SNAPC3: variants seen among roughly 807,000 people sequenced by gnomAD.
The protein encoded by SNAPC3 is snRNA-activating protein complex subunit 3.
A neutral mutation model predicts 47.7 loss-of-function variants in SNAPC3; 56 were observed. The ratio of observed to expected loss-of-function variants is 1.18; its 90% CI spans 0.95 to 1.47. The LOEUF (loss-of-function observed/expected upper bound fraction) is 1.47. Among genes scored for constraint, SNAPC3 ranks in the 40% most tolerant of loss-of-function variants. The probability of loss-of-function intolerance (pLI) is 0.00; values close to 1 mark genes in which losing one functional copy is unlikely to be tolerated. For synonymous variants in SNAPC3, 235 were observed against 189.9 expected, an observed-to-expected ratio of 1.24 and a Z score of -1.95; for missense variants, 665 against 511.3, an observed-to-expected ratio of 1.30 and a Z score of -2.90.
intron 3 of SNAPC3, among the ~76,000 whole-genome samples, chr9:15,435,727 C>CT (rs1375811675): frequency 7.5e-6 from 1 of 132,776 alleles, no homozygotes; most frequent in Non-Finnish European, 1.6e-5. Flanking sequence ...GAAACTCTGT[C>CT]TAAAAAAAAA....
At chr9:15,429,405 C>T (rs1357984005) in intron 2 of SNAPC3, among the ~76,000 whole-genome samples, 3 of 152,024 alleles carry the variant, frequency 2.0e-5, no homozygotes, top group Admixed American at 2.0e-4. Context: ...AGGACTAATA[C>T]AGAGAGGATG....
Position 15,423,314 on chromosome 9 carries a change from T to C in SNAPC3, c.314+121T>C, listed in dbSNP as rs78974550. 1.3e-3 allele frequency: 1,314 copies of C among 1,042,384 alleles called. 19 individuals carry two copies. The African/African-American group carries it at 0.021, about 16-fold the overall frequency. 64.6% of individuals were successfully genotyped at this position (1,042,384 alleles called of 1,614,324 possible). Reference sequence around the variant, plus strand: ...GTGGTTTAGACCTGGGCTAGGAGTATTACCCTTTAAAGCTTTCAACCCGCT... The same window carrying C: ...GTGGTTTAGACCTGGGCTAGGAGTACTACCCTTTAAAGCTTTCAACCCGCT... On this transcript the variant is annotated intron_variant, in intron 1 of 8. Transcript: ENST00000380821.
intron 6 of SNAPC3, among the ~76,000 whole-genome samples, chr9:15,452,682 C>A (rs1422379212): frequency 1.3e-5 from 2 of 152,302 alleles, no homozygotes; most frequent in East Asian, 3.9e-4. Flanking sequence ...TGGGTTATAA[C>A]TATCACTATT....
chr9:15,462,961 A>ACC (rs1318081494), downstream of SNAPC3: 3 of 152,306 alleles, frequency 2.0e-5, no homozygotes, highest in Non-Finnish European at 4.4e-5. Context: ...TTAGATGCAG[A>ACC]CCTCATCTTG....
At chr9:15,464,527 T>G (rs909807670), downstream of SNAPC3, 2 of 200,758 alleles carry the variant, frequency 1.0e-5, no homozygotes, top group African/African-American at 4.6e-5. Flanking sequence ...GAACAACTAG[T>G]GTTTGTATTT....
chr9:15,447,636 T>C (rs1416108366), intron 5 of SNAPC3, among the ~76,000 whole-genome samples: 1 of 152,202 alleles, frequency 6.6e-6, no homozygotes, highest in Non-Finnish European at 1.5e-5. Context: ...TTGGTCACTT[T>C]TCCATTTTTA....
Position 15,422,942 on chromosome 9 carries a change from C to T in SNAPC3, c.63C>T (p.Val21=), listed in dbSNP as rs758087884. 8.5e-6 allele frequency: 13 copies of T among 1,538,134 alleles called. No homozygotes were observed. The highest frequency in any genetic ancestry group is 1.4e-5 in the African/African-American group (1 of 71,442). ...GGGTGGGTGGCAGGCAGGACCCAGT[C>T]TCCGGCAGTGGCGGCTGCAACTTTC... The part of the protein sequence containing the change: ...CSGVGGRQDP[V]SGSGGCNFPE... Residue 21 remains valine (V), a synonymous_variant, in exon 1 of 9, where the codon GTC becomes GTT. Coordinates refer to ENST00000380821, the MANE Select transcript of SNAPC3 (RefSeq NM_001039697.2).
At chr9:15,464,621 A>C (rs182102969), downstream of SNAPC3, 427 of 197,840 alleles carry the variant, frequency 2.2e-3, no homozygotes, top group African/African-American at 8.9e-3. Flanking sequence ...TATTTATTGT[A>C]TAAGCATCAT....
intron 3 of SNAPC3, among the ~76,000 whole-genome samples, chr9:15,439,769 A>G (rs960558215): frequency 2.6e-5 from 4 of 152,182 alleles, no homozygotes; most frequent in Non-Finnish European, 5.9e-5. Flanking sequence ...CCTAACCTCA[A>G]GTGATCCACC....
chr9:15,425,278 G>C (rs183295871), intron 2 of SNAPC3, among the ~76,000 whole-genome samples: 1 of 152,236 alleles, frequency 6.6e-6, no homozygotes, highest in Admixed American at 6.5e-5. Flanking sequence ...GAGTGCAGTG[G>C]CGTGATCTCT....
chr9:15,427,173 C>T (rs1444804212), intron 2 of SNAPC3, among the ~76,000 whole-genome samples: 1 of 152,148 alleles, frequency 6.6e-6, no homozygotes, highest in Non-Finnish European at 1.5e-5. Flanking sequence ...TTCCTTGATA[C>T]ATGTTGCTCC....
At chr9:15,466,702 C>T (rs1004467327), downstream of SNAPC3, 5 of 1,454,858 alleles carry the variant, frequency 3.4e-6, no homozygotes, top group Admixed American at 2.1e-5. Context: ...GATTAAAAAC[C>T]TGAATAATAA....
At chr9:15,454,585 C>T (rs753903853) in intron 7 of SNAPC3, among the ~76,000 whole-genome samples, 6 of 152,150 alleles carry the variant, frequency 3.9e-5, no homozygotes, top group Non-Finnish European at 5.9e-5. Flanking sequence ...GGTAGACTCC[C>T]GGTTGTTCAC....
chr9:15,426,242 T>G (rs2031379936), intron 2 of SNAPC3, among the ~76,000 whole-genome samples: 1 of 151,886 alleles, frequency 6.6e-6, no homozygotes, highest in Non-Finnish European at 1.5e-5. Context: ...GCTCTCTCAC[T>G]CCAGGCCTTT....
intron 4 of SNAPC3, among the ~76,000 whole-genome samples, chr9:15,445,955 C>G (rs557766246): frequency 1.1e-4 from 16 of 152,214 alleles, no homozygotes; most frequent in African/African-American, 3.9e-4. Flanking sequence ...CCCTTCTCCC[C>G]AGAAAAAGAT....
chr9:15,429,506 G>A (rs1251844807), intron 2 of SNAPC3, among the ~76,000 whole-genome samples: 1 of 151,944 alleles, frequency 6.6e-6, no homozygotes, highest in Non-Finnish European at 1.5e-5. Flanking sequence ...ATAATGTGTG[G>A]GCAATAGATG....
At chr9:15,465,949 A>G (rs1344988193), downstream of SNAPC3, 1 of 174,026 alleles carries the variant, frequency 5.7e-6, no homozygotes, top group East Asian at 1.6e-4. Flanking sequence ...AGAGGTTGAT[A>G]CACACATAGA....
At chr9:15,458,190 G>A (rs928829346) in intron 8 of SNAPC3, 123 bp downstream of exon 8, 1 of 542,868 alleles carries the variant, frequency 1.8e-6, no homozygotes, top group African/African-American at 2.0e-5. Context: ...GTATCATCTA[G>A]TAGGGAAGTG....
chr9:15,466,484 T>A (rs990078770), downstream of SNAPC3, among the ~76,000 whole-genome samples: 1 of 152,228 alleles, frequency 6.6e-6, no homozygotes, highest in Non-Finnish European at 1.5e-5. Flanking sequence ...TAACAGTATC[T>A]CAGTAAAAGT....
Sources: gnomAD v4.1 joint callset for allele counts (sites outside exome capture counted in the v4.1 genomes callset) on GRCh38, gnomAD v4.1.1 for gene constraint, MANE v1.5 for transcripts, NCBI Gene and HGNC (gene_info 2026-07-23, HGNC 2026-07-21) for gene names.